Variants in ARID5B observed in about 807,000 individuals in gnomAD.
The protein encoded by ARID5B is AT-rich interactive domain-containing protein 5B.
A neutral mutation model predicts 97.2 loss-of-function variants in ARID5B; 13 were observed. The observed-to-expected ratio is 0.13, with a 90% CI of 0.09 to 0.21. The LOEUF (loss-of-function observed/expected upper bound fraction) is 0.21. ARID5B is among the 10% of genes least tolerant of loss of function. The pLI, the probability that ARID5B is intolerant of heterozygous loss-of-function variation, is 1.00. For synonymous variants in ARID5B, 556 were observed against 570.3 expected, an observed-to-expected ratio of 0.97 and a Z score of 0.36; for missense variants, 1,210 against 1,465.3, an observed-to-expected ratio of 0.83 and a Z score of 2.84.
intron 4 of ARID5B, among the ~76,000 whole-genome samples, chr10:62,031,169 G>A (rs1485645419): frequency 1.3e-5 from 2 of 152,206 alleles, no homozygotes; most frequent in Non-Finnish European, 2.9e-5. Flanking sequence ...AGGAGGCGGA[G>A]GTTGCAGTAA....
At chr10:61,960,184 A>G (rs1275886477) in intron 3 of ARID5B, among the ~76,000 whole-genome samples, 1 of 152,180 alleles carries the variant, frequency 6.6e-6, no homozygotes, top group Non-Finnish European at 1.5e-5. Context: ...TTCAAATTAT[A>G]AATTTTGACA....
chr10:62,091,295 C>A lies in ARID5B; in HGVS notation c.1832C>A (p.Thr611Lys). 1 of 1,614,192 alleles carries A rather than the reference C, an allele frequency of 6.2e-7. No homozygotes were observed. The highest frequency in any genetic ancestry group is 1.6e-4 in the Middle Eastern group (1 of 6,062). The stretch of plus-strand genomic sequence containing the variant: ...CCACCGCTGGCAAACCAGAATGAGA[C>A]GGAGGATGACAAACTGCCCGCCATG... Reference protein sequence around the residue: ...TQPPLANQNETEDDKLPAMAD... With the variant: ...TQPPLANQNEKEDDKLPAMAD... Residue 611 changes from threonine (T) to lysine (K), a missense_variant, in exon 10 of 10, where the codon ACG becomes AAG. Coordinates refer to ENST00000279873, the MANE Select transcript of ARID5B (RefSeq NM_032199.3).
rs71299289 is a variant in ARID5B, at chr10:62,087,298, C to CAAAAAAAAAAAAA, written c.1398+1406_1398+1418dup. Among the ~76,000 whole-genome samples the CAAAAAAAAAAAAA allele has an allele frequency of 3.7e-4, 15 of 40,926 alleles. 1 individual carries two copies. Among genetic ancestry groups the CAAAAAAAAAAAAA allele is most frequent in the Admixed American group, 1.2e-3 (2 of 1,736 alleles). 26.8% of individuals were successfully genotyped at this position (40,926 alleles called of 152,430 possible). A position where few individuals can be genotyped will look rare whatever the true frequency, so the allele number is the denominator to read the frequency against. On this transcript the variant is annotated intron_variant, in intron 9 of 9. Transcript: ENST00000279873. Reference sequence around the variant, plus strand: ...TGGGTGACAGAGAGAGACTCTATCTCAAAAAAAAAAAAAAAAAAAAGGAAA... The same window carrying CAAAAAAAAAAAAA: ...TGGGTGACAGAGAGAGACTCTATCTCAAAAAAAAAAAAAAAAAAAAAAAAAAAAAAAAAGGAAA...
At chr10:62,069,291 A>G (rs1417057502) in intron 7 of ARID5B, among the ~76,000 whole-genome samples, 1 of 152,244 alleles carries the variant, frequency 6.6e-6, no homozygotes, top group Non-Finnish European at 1.5e-5. Flanking sequence ...CCATTTCCAC[A>G]TGCCTCAGGC....
chr10:61,990,187 G>GCTAC (rs1838904562), intron 3 of ARID5B, among the ~76,000 whole-genome samples: 1 of 152,208 alleles, frequency 6.6e-6, no homozygotes, highest in African/African-American at 2.4e-5. Context: ...CAGAAGCCCT[G>GCTAC]CGGTAAGGTG....
In ARID5B at chr10:62,094,552, T is replaced by C. The variant is rs185560801; in HGVS notation, c.*1522T>C. On this transcript the variant is annotated 3_prime_UTR_variant, in exon 10 of 10. Coordinates refer to ENST00000279873, the MANE Select transcript of ARID5B (RefSeq NM_032199.3). ...ACAGTCCACTTTCTGGTTTCTTTTA[T>C]TGTGGGAAGTAAATGGTCAAGCTGC... 2 of 231,546 alleles carry C rather than the reference T, an allele frequency of 8.6e-6. No homozygotes were observed. Among genetic ancestry groups the C allele is most frequent in the East Asian group, 6.1e-5 (1 of 16,410 alleles). The allele number at this position is 231,546 out of a possible 1,614,324, so 14.3% of individuals were successfully genotyped here.
intron 7 of ARID5B, among the ~76,000 whole-genome samples, chr10:62,066,264 T>C (rs547951731): frequency 6.6e-6 from 1 of 152,298 alleles, no homozygotes; most frequent in East Asian, 1.9e-4. Flanking sequence ...ATGGGAGAAT[T>C]TAGACATTTC....
intron 4 of ARID5B, among the ~76,000 whole-genome samples, chr10:62,041,126 A>T (rs1010539777): frequency 4.6e-5 from 7 of 151,552 alleles, no homozygotes; most frequent in Non-Finnish European, 4.4e-5. Context: ...CTCCACGCCC[A>T]CTCCAGGCCC....
intron 3 of ARID5B, among the ~76,000 whole-genome samples, chr10:61,997,737 C>T (rs1399961416): frequency 2.0e-5 from 3 of 152,214 alleles, no homozygotes; most frequent in East Asian, 3.9e-4. Context: ...TTAGACAAAT[C>T]GAGTATAATA....
intron 4 of ARID5B, among the ~76,000 whole-genome samples, chr10:62,045,389 G>T (rs1421435303): frequency 6.6e-6 from 1 of 151,704 alleles, no homozygotes; most frequent in Non-Finnish European, 1.5e-5. Flanking sequence ...AACTAAATTA[G>T]GGTAGGTTAC....
At chr10:61,973,486 A>C (rs983858998) in intron 3 of ARID5B, among the ~76,000 whole-genome samples, 16 of 152,196 alleles carry the variant, frequency 1.1e-4, no homozygotes, top group Non-Finnish European at 2.2e-4. Context: ...AAACAAGGAT[A>C]AATTGAAGTT....
chr10:61,946,302 T>A (rs16916887), intron 3 of ARID5B, among the ~76,000 whole-genome samples: 9,034 of 152,080 alleles, frequency 0.059, 522 homozygotes, highest in African/African-American at 0.15. Context: ...ATGGGAAGGA[T>A]TCTCACTTTT....
intron 4 of ARID5B, among the ~76,000 whole-genome samples, chr10:62,048,856 A>G (rs1418082782): frequency 6.6e-6 from 1 of 152,246 alleles, no homozygotes; most frequent in Admixed American, 6.5e-5. Context: ...TCATAGTAAC[A>G]AGTCTTAGAA....
At chr10:61,903,873 C>CCACCTCCCCGCT (rs1843663178) in intron 2 of ARID5B, among the ~76,000 whole-genome samples, 1 of 149,890 alleles carries the variant, frequency 6.7e-6, no homozygotes, top group Admixed American at 6.7e-5. Flanking sequence ...TAAGCCCCTC[C>CCACCTCCCCGCT]CACCTCCCCG....
chr10:62,042,744 T>A (rs1485017617), intron 4 of ARID5B, among the ~76,000 whole-genome samples: 3 of 151,750 alleles, frequency 2.0e-5, no homozygotes, highest in Non-Finnish European at 2.9e-5. Context: ...ACCCCGTCTC[T>A]ACTAAAAATA....
chr10:61,922,758 T>C (rs1012695397), intron 2 of ARID5B, among the ~76,000 whole-genome samples: 4 of 152,188 alleles, frequency 2.6e-5, no homozygotes, highest in Admixed American at 1.3e-4. Flanking sequence ...GAGGTGAGCA[T>C]CTCCTGGCCC....
At chr10:61,988,936 CTTTT>C (rs61016394) in intron 3 of ARID5B, among the ~76,000 whole-genome samples, 1 of 122,260 alleles carries the variant, frequency 8.2e-6, no homozygotes, top group Non-Finnish European at 1.6e-5. Flanking sequence ...TTTTCTTTTA[CTTTT>C]TTTTTTTTTT....
chr10:62,061,552 G>A (rs566444648), intron 7 of ARID5B, among the ~76,000 whole-genome samples: 2 of 152,290 alleles, frequency 1.3e-5, no homozygotes, highest in East Asian at 3.9e-4. Context: ...TCAGATGCTA[G>A]GCCCTTTCAT....
At chr10:62,018,471 T>C (rs993984399) in intron 4 of ARID5B, among the ~76,000 whole-genome samples, 1 of 152,198 alleles carries the variant, frequency 6.6e-6, no homozygotes, top group African/African-American at 2.4e-5. Flanking sequence ...GAAGGCTTTG[T>C]AGTTGTAATA....
Sources: gnomAD v4.1 joint callset for allele counts (sites outside exome capture counted in the v4.1 genomes callset) on GRCh38, gnomAD v4.1.1 for gene constraint, MANE v1.5 for transcripts, NCBI Gene and HGNC (gene_info 2026-07-23, HGNC 2026-07-21) for gene names.